The following LIG3 variants were observed in gnomAD, a reference collection of about 807,000 sequenced individuals.
LIG3 encodes DNA ligase 3, also known as ligase II, DNA, ATP-dependent.
LIG3 carries 58 observed loss-of-function variants against 110.9 expected under a neutral mutation model. That is an observed-to-expected ratio of 0.52 (90% CI 0.42 to 0.65). The LOEUF is 0.65. Ranked by LOEUF, LIG3 falls within the 30% of genes least tolerant of loss-of-function variation. The pLI, the probability that LIG3 is intolerant of heterozygous loss-of-function variation, is 0.00. For missense variants in LIG3, 1,094 were observed against 1,273.8 expected (o/e 0.86, Z 2.15); for synonymous variants, 422 against 472.8 (o/e 0.89, Z 1.39).
Position 34,983,193 on chromosome 17 carries a change from A to G in LIG3, c.188A>G (p.His63Arg). ...CCTGTTCTATCATTCCAGGGAAGCC[A>G]TCTAAGATCACGTGCCACCTACCTT... The part of the protein sequence containing the change: ...RKPVLSFQGS[H>R]LRSRATYLVF... Residue 63 changes from histidine to arginine, a missense_variant, in exon 2 of 20, where the codon CAT becomes CGT. Transcript: ENST00000378526. 2 of 1,614,196 alleles carry G rather than the reference A, an allele frequency of 1.2e-6. No homozygotes were observed.
chr17:34,991,098 C>G lies in LIG3; in HGVS notation c.1025C>G (p.Ala342Gly), dbSNP rs1200990540. 6.2e-7 allele frequency: 1 copy of G among 1,614,046 alleles called. No homozygotes were observed. The highest frequency in any genetic ancestry group is 8.5e-7 in the Non-Finnish European group (1 of 1,180,028). Reference sequence around the variant, plus strand: ...TTTAACTGCAACCCAGATGATATGGCACGGGACCTAGAGCAGGTCAGAGGA... The same window carrying G: ...TTTAACTGCAACCCAGATGATATGGGACGGGACCTAGAGCAGGTCAGAGGA... ...RIFNCNPDDMARDLEQGDVSE... is the reference protein window; with the variant it reads ...RIFNCNPDDMGRDLEQGDVSE... Residue 342 changes from alanine to glycine, a missense_variant, in exon 5 of 20, where the codon GCA becomes GGA. Coordinates refer to ENST00000378526, the MANE Select transcript of LIG3 (RefSeq NM_013975.4).
Position 34,988,013 on chromosome 17 carries a change from T to A in LIG3, c.692-1453T>A, listed in dbSNP as rs376292141. Among the ~76,000 whole-genome samples the A allele has an allele frequency of 1.4e-3, 213 of 151,482 alleles. 1 individual carries two copies. Among genetic ancestry groups the A allele is most frequent in the African/African-American group, 5.1e-3 (210 of 41,228 alleles). On this transcript the variant is annotated intron_variant, in intron 3 of 19. Transcript: ENST00000378526. ...ATCGAGACCATCCTGGCTAACACAG[T>A]GAAACCCTGTCTCTACTAAAAATAA...
intron 4 of LIG3, 115 bp downstream of exon 4, chr17:34,989,778 G>GT: frequency 1.1e-6 from 1 of 912,228 alleles, no homozygotes; most frequent in Admixed American, 2.0e-5. Flanking sequence ...GTTTAATGCT[G>GT]TACTGTAGTG....
At chr17:34,993,444 C>T (rs1384652369) in intron 8 of LIG3, among the ~76,000 whole-genome samples, 1 of 152,188 alleles carries the variant, frequency 6.6e-6, no homozygotes, top group Admixed American at 6.5e-5. Context: ...GTGAGATCTC[C>T]ATCCCAGAGA....
In LIG3 at chr17:35,002,740, A is replaced by C; in HGVS notation, c.2747A>C (p.Lys916Thr). The C allele has an allele frequency of 6.2e-7, 1 of 1,612,680 alleles. No homozygotes were observed. The highest frequency in any genetic ancestry group is 1.1e-5 in the South Asian group (1 of 90,798). The change falls in exon 19 of 20, where the codon AAA becomes ACA. Residue 916 changes from lysine to threonine, a missense_variant. By Grantham distance (78) the Lys-to-Thr change is moderately conservative. Transcript: ENST00000378526. ...CTGGCCACAAAGTCTTCTCCAGTGA[A>C]AGTAGGGGAGAAGCGGAAAGCTGCT... is the stretch of plus-strand genomic sequence containing the variant. ...EKLATKSSPVKVGEKRKAADE... is the reference protein window; with the variant it reads ...EKLATKSSPVTVGEKRKAADE...
intron 4 of LIG3, 43 bp from the exon 5 acceptor site, chr17:34,990,920 T>C: frequency 6.3e-7 from 1 of 1,593,364 alleles, no homozygotes; most frequent in Non-Finnish European, 8.6e-7. Context: ...TATATTTATT[T>C]GTTTAAGCTC....
At chr17:34,992,267 C>T (rs116038835) in intron 7 of LIG3, among the ~76,000 whole-genome samples, 11 of 152,354 alleles carry the variant, frequency 7.2e-5, no homozygotes, top group African/African-American at 2.4e-4. Flanking sequence ...GTGTGGCATA[C>T]GTTCAGTGAG....
intron 3 of LIG3, among the ~76,000 whole-genome samples, chr17:34,988,329 G>A (rs996531888): frequency 6.6e-6 from 1 of 152,110 alleles, no homozygotes; most frequent in African/African-American, 2.4e-5. Flanking sequence ...GATGGAATTT[G>A]GGAGGAGTTG....
At position 34,999,303 on chromosome 17, in the gene LIG3, C is replaced by T. The variant is rs1567693145; in HGVS notation, c.2114-4C>T. 1 of 1,610,884 alleles carries T rather than the reference C, an allele frequency of 6.2e-7. No individual in the cohort carries two copies. The highest frequency in any genetic ancestry group is 1.3e-5 in the African/African-American group (1 of 74,894). ...CCCACACTCATCTCACACTCCCCTC[C>T]CAGGCGGCATGATGTCAATCTTCCT... On this transcript the variant is annotated splice_region_variant and splice_polypyrimidine_tract_variant and intron_variant, in intron 14 of 19. Coordinates refer to ENST00000378526, the MANE Select transcript of LIG3 (RefSeq NM_013975.4).
rs559505691 is a variant in LIG3 at position 35,003,110 on chromosome 17, A to G, written c.2796+321A>G. 3.2e-5 allele frequency: 51 copies of G among 1,608,472 alleles called. No homozygotes were observed. The Admixed American group carries it at 5.6e-4, about 18-fold the overall frequency. ...CACTCAGCTGCTGGCCCCAAGTCAA[A>G]ATTTACATTAAAGGGAAAAGACCAG... On this transcript the variant is annotated intron_variant, in intron 19 of 19. Coordinates refer to ENST00000378526, the MANE Select transcript of LIG3 (RefSeq NM_013975.4).
At chr17:34,992,427 G>C in intron 7 of LIG3, 97 bp from the exon 8 acceptor site, 3 of 1,293,584 alleles carry the variant, frequency 2.3e-6, no homozygotes, top group Non-Finnish European at 3.2e-6. Flanking sequence ...CTTCCCTACA[G>C]ATGAGGATTT....
rs1225252653 is a variant in LIG3 at position 34,980,603 on chromosome 17, C to T, written c.-24C>T. 2 of 1,284,316 alleles carry T rather than the reference C, an allele frequency of 1.6e-6. No homozygotes were observed. Among genetic ancestry groups the T allele is most frequent in the Admixed American group, 4.6e-5 (2 of 43,028 alleles). 79.6% of individuals were successfully genotyped at this position (1,284,316 alleles called of 1,614,324 possible). On this transcript the variant is annotated 5_prime_UTR_variant, in exon 1 of 20. Coordinates refer to ENST00000378526, the MANE Select transcript of LIG3 (RefSeq NM_013975.4). ...AGCAAGTTCCGAGGCCTACGGTGAG[C>T]GCCGGAGCCGGAGAGGCAGGTGAGG...
chr17:34,983,649 C>G, intron 2 of LIG3, 97 bp downstream of exon 2: 1 of 1,202,730 alleles, frequency 8.3e-7, no homozygotes, highest in South Asian at 1.6e-5. Flanking sequence ...TAACTTTGCT[C>G]TTTTAGAGAT....
At chr17:34,991,649 G>T in intron 5 of LIG3, 22 bp from the exon 6 acceptor site, 2 of 1,612,084 alleles carry the variant, frequency 1.2e-6, no homozygotes, top group Non-Finnish European at 8.5e-7. Context: ...TGCAGCAGTG[G>T]CATTTTGGTT....
At chr17:34,982,958 T>G in intron 1 of LIG3, 44 bp from the exon 2 acceptor site, 1 of 1,424,460 alleles carries the variant, frequency 7.0e-7, no homozygotes. Flanking sequence ...TCTCCTTGTT[T>G]ATATCTTTTT....
At chr17:34,982,706 T>A (rs2090610739) in intron 1 of LIG3, among the ~76,000 whole-genome samples, 1 of 152,172 alleles carries the variant, frequency 6.6e-6, no homozygotes, top group African/African-American at 2.4e-5. Context: ...TCATCCATTA[T>A]GAGTATCATA....
At position 34,983,511 on chromosome 17, in the gene LIG3, T is replaced by C. The variant is rs1237240653; in HGVS notation, c.506T>C (p.Leu169Pro). 1 of 1,613,856 alleles carries C rather than the reference T, an allele frequency of 6.2e-7. No homozygotes were observed. Among genetic ancestry groups the C allele is most frequent in the Admixed American group, 1.7e-5 (1 of 59,978 alleles). The change falls in exon 2 of 20, where the codon CTG becomes CCG. Residue 169 changes from leucine (L) to proline (P), a missense_variant. Leu to Pro is a moderately conservative substitution (Grantham distance 98, BLOSUM62 -3). Coordinates refer to ENST00000378526, the MANE Select transcript of LIG3 (RefSeq NM_013975.4). ...DLTELEGWEE[L>P]EDNEKEQITQ... ...ACAGAGCTGGAAGGCTGGGAAGAGC[T>C]GGAAGATAATGAGAAGGAACAGATA...
chr17:35,003,313 T>C, intron 19 of LIG3: 1 of 600,618 alleles, frequency 1.7e-6, no homozygotes. Flanking sequence ...ATTCTTTTTT[T>C]TTTTGAGATA....
At chr17:34,990,272 A>AGTTT (rs748584668) in intron 4 of LIG3, among the ~76,000 whole-genome samples, 1 of 152,026 alleles carries the variant, frequency 6.6e-6, no homozygotes, top group Non-Finnish European at 1.5e-5. Context: ...TGCTTCTTTG[A>AGTTT]GTTTGTTTGT....
Sources: gnomAD v4.1 joint callset for allele counts (sites outside exome capture counted in the v4.1 genomes callset) on GRCh38, gnomAD v4.1.1 for gene constraint, MANE v1.5 for transcripts, NCBI Gene and HGNC (gene_info 2026-07-23, HGNC 2026-07-21) for gene names.